KRT82: variants seen among roughly 807,000 people sequenced by gnomAD.
The protein encoded by KRT82 is keratin 82.
A neutral mutation model predicts 48.0 loss-of-function variants in KRT82; 44 were observed. The observed-to-expected ratio is 0.92, with a 90% confidence interval of 0.72 to 1.18. The LOEUF (loss-of-function observed/expected upper bound fraction) is 1.18, where lower values mean the gene tolerates loss of function less well. KRT82 is among the 50% of genes most tolerant of loss of function. The pLI is 0.00. For synonymous variants in KRT82, 297 were observed against 278.3 expected, an observed-to-expected ratio of 1.07 and a Z score of -0.67; for missense variants, 701 against 671.4, an observed-to-expected ratio of 1.04 and a Z score of -0.49.
rs929291228 is a variant in KRT82 at position 52,405,923 on chromosome 12, C to A, written c.355G>T (p.Asp119Tyr). The A allele has an allele frequency of 1.3e-5, 21 of 1,613,820 alleles. No homozygotes were observed. Among genetic ancestry groups the A allele is most frequent in the South Asian group, 5.5e-5 (5 of 90,968 alleles). ...IDPTVQRVKR[D>Y]EKEQIKCLNN... ...AGGCACTTGATCTGCTCCTTCTCAT[C>A]CCTCTTTACCCTCTGCACAGTCGGG... Residue 119 changes from aspartate to tyrosine, a missense_variant, in exon 1 of 9, where the codon GAT becomes TAT. Transcript: ENST00000257974.
intron 3 of KRT82, among the ~76,000 whole-genome samples, chr12:52,400,827 G>A (rs1939779934): frequency 6.6e-6 from 1 of 152,188 alleles, no homozygotes; most frequent in Non-Finnish European, 1.5e-5. Flanking sequence ...GATCTGAAGG[G>A]GGTGGGGCTT....
intron 4 of KRT82, 98 bp from the exon 5 acceptor site, chr12:52,400,247 T>C: frequency 2.5e-6 from 3 of 1,205,764 alleles, no homozygotes; most frequent in Admixed American, 2.2e-5. Flanking sequence ...GCAGAGTGCA[T>C]AGAACTCTGC....
At position 52,403,949 on chromosome 12, in the gene KRT82, C is replaced by CT. The variant is rs146662217; in HGVS notation, c.412-41dup. On this transcript the variant is annotated intron_variant, in intron 1 of 8. Coordinates refer to ENST00000257974, the MANE Select transcript of KRT82 (RefSeq NM_033033.4). ...GGAATATCACCAGGCAGCAGAGATC[C>CT]TGGGGACCATGACTTAGAGAGGGCA... The CT allele has an allele frequency of 1.3e-5, 21 of 1,588,048 alleles. No homozygotes were observed. The African/African-American group carries it at 2.8e-4, about 21-fold the overall frequency.
intron 2 of KRT82, among the ~76,000 whole-genome samples, chr12:52,402,615 CTCTTTCCCTTTCTTGGGATTCCTCTCCCT>C (rs1939804015): frequency 6.6e-6 from 1 of 152,246 alleles, no homozygotes; most frequent in South Asian, 2.1e-4. Context: ...TGGACTCCCG[CTCTTTCCCTTTCTTGGGATTCCTCTCCCT>C]TCTTCTCTGT....
At chr12:52,405,711 T>C (rs993506241) in intron 1 of KRT82, among the ~76,000 whole-genome samples, 156 bp downstream of exon 1, 10 of 152,222 alleles carry the variant, frequency 6.6e-5, no homozygotes, top group African/African-American at 2.4e-4. Flanking sequence ...TCTAACTGGC[T>C]TTCAAAGGCT....
At chr12:52,396,381 G>C in intron 6 of KRT82, 149 bp from the exon 7 acceptor site, 1 of 718,306 alleles carries the variant, frequency 1.4e-6, no homozygotes, top group East Asian at 2.7e-5. Context: ...TTCCTCCAGG[G>C]AACTGGGATG....
At chr12:52,401,846 T>A (rs575791920) in intron 2 of KRT82, 2 of 153,642 alleles carry the variant, frequency 1.3e-5, no homozygotes, top group African/African-American at 4.8e-5. Context: ...GCCAGGCTAT[T>A]TCCTCAGGCT....
In KRT82 at chr12:52,406,004, T is replaced by C. The variant is rs61730591; in HGVS notation, c.274A>G (p.Ile92Val). ...CTCTCATTGATGGTGACAGGGGTGATGCAGGCAGAAGGCCCACAGGTGGCT... is the reference window on the plus strand; with the variant it reads ...CTCTCATTGATGGTGACAGGGGTGACGCAGGCAGAAGGCCCACAGGTGGCT... ...LGATCGPSAC[I>V]TPVTINESLL... Residue 92 changes from isoleucine (I) to valine (V), a missense_variant, in exon 1 of 9, where the codon ATC becomes GTC. Ile to Val is a conservative substitution (Grantham distance 29, BLOSUM62 3). Transcript: ENST00000257974. 4,046 of 1,614,178 alleles carry C rather than the reference T, an allele frequency of 2.5e-3. 3 individuals are homozygous for C. The highest frequency in any genetic ancestry group is 3.3e-3 in the Non-Finnish European group (3,852 of 1,180,026).
At position 52,395,662 on chromosome 12, in the gene KRT82, G is replaced by A. The variant is rs77470963; in HGVS notation, c.1321+97C>T. 658 of 839,084 alleles carry A rather than the reference G, an allele frequency of 7.8e-4. No homozygotes were observed. The African/African-American group carries it at 0.01, about 13-fold the overall frequency. 52.0% of individuals were successfully genotyped at this position (839,084 alleles called of 1,614,324 possible). Reference sequence around the variant, plus strand: ...GAGCTCTTCCTTTGGGGTAGGGGAGGCATCAGAGGTCTAGGAAGGGGTGGT... The same window carrying A: ...GAGCTCTTCCTTTGGGGTAGGGGAGACATCAGAGGTCTAGGAAGGGGTGGT... On this transcript the variant is annotated intron_variant, in intron 8 of 8. Transcript: ENST00000257974.
chr12:52,396,023 A>C lies in KRT82; in HGVS notation c.1278T>G (p.Gly426=), dbSNP rs745784738. Residue 426 remains glycine, a synonymous_variant, in exon 7 of 9, where the codon GGT becomes GGG. Coordinates refer to ENST00000257974, the MANE Select transcript of KRT82 (RefSeq NM_033033.4). ...EIATYRRLLE[G]EEHRLCEGIG... ...CTGGAGGAGCTCACCTGTGCTCTTC[A>C]CCCTCCAGCAGGCGCCTGTAGGTGG... is the stretch of plus-strand genomic sequence containing the variant. 6.2e-7 allele frequency: 1 copy of C among 1,613,700 alleles called. No individual in the cohort carries two copies.
chr12:52,405,313 C>T (rs1373516876), intron 1 of KRT82, among the ~76,000 whole-genome samples: 1 of 152,186 alleles, frequency 6.6e-6, no homozygotes, highest in Non-Finnish European at 1.5e-5. Flanking sequence ...GCATGCCTTC[C>T]TAGCAGCCTT....
intron 1 of KRT82, among the ~76,000 whole-genome samples, chr12:52,405,136 C>T (rs1409350223): frequency 6.6e-6 from 1 of 152,210 alleles, no homozygotes. Context: ...TCTTTTCCTG[C>T]AGTGGGTGCT....
At position 52,395,994 on chromosome 12, in the gene KRT82, C is replaced by A; in HGVS notation, c.1289+18G>T. The stretch of plus-strand genomic sequence containing the variant: ...ATACCTGGTAGCCCATCTTTGACCC[C>A]CTCCTGGAGGAGCTCACCTGTGCTC... On this transcript the variant is annotated intron_variant, in intron 7 of 8. Coordinates refer to ENST00000257974, the MANE Select transcript of KRT82 (RefSeq NM_033033.4). 1 of 1,613,680 alleles carries A rather than the reference C, an allele frequency of 6.2e-7. No homozygotes were observed. The highest frequency in any genetic ancestry group is 8.5e-7 in the Non-Finnish European group (1 of 1,179,958).
chr12:52,395,768 C>G lies in KRT82; in HGVS notation c.1312G>C (p.Val438Leu), dbSNP rs144651614. The G allele has an allele frequency of 2.8e-5, 43 of 1,553,820 alleles. No individual in the cohort carries two copies. The highest frequency in any genetic ancestry group is 3.6e-5 in the Non-Finnish European group (41 of 1,154,680). The change falls in exon 8 of 9, where the codon GTG becomes CTG. Residue 438 changes from valine (V) to leucine (L), a missense_variant. Physicochemically the swap from Val to Leu is conservative, Grantham distance 32. Transcript: ENST00000257974. ...TGGCTCATCTACTTACAGATATTCA[C>G]GGGCCCGATGCCTTCGCACAGCCTG... ...EHRLCEGIGP[V>L]NISVSSSKGA...
chr12:52,401,341 T>A lies in KRT82; in HGVS notation c.629A>T (p.Glu210Val). 6.2e-7 allele frequency: 1 copy of A among 1,614,092 alleles called. No individual in the cohort carries two copies. Among genetic ancestry groups the A allele is most frequent in the Non-Finnish European group, 8.5e-7 (1 of 1,179,970 alleles). The change falls in exon 3 of 9, where the codon GAG becomes GTG. Residue 210 changes from glutamate (E) to valine (V), a missense_variant. Physicochemically the swap from Glu to Val is moderately radical, Grantham distance 121. Coordinates refer to ENST00000257974, the MANE Select transcript of KRT82 (RefSeq NM_033033.4). Reference protein sequence around the residue: ...ALEGYKKKYEEELSLRPCVEN... With the variant: ...ALEGYKKKYEVELSLRPCVEN... Reference sequence around the variant, plus strand: ...AACACAGGGACGCAGGGAGAGCTCCTCTTCGTATCTGATGGAAAAGGCAGG... The same window carrying A: ...AACACAGGGACGCAGGGAGAGCTCCACTTCGTATCTGATGGAAAAGGCAGG...
intron 8 of KRT82, 100 bp from the exon 9 acceptor site, chr12:52,395,295 A>G (rs1393951189): frequency 4.3e-6 from 4 of 926,896 alleles, no homozygotes; most frequent in South Asian, 3.2e-5. Flanking sequence ...ACCTCCTGCC[A>G]CTCACCTCTA....
chr12:52,403,843 A>C lies in KRT82; in HGVS notation c.478T>G (p.Cys160Gly). 1 of 1,613,888 alleles carries C rather than the reference A, an allele frequency of 6.2e-7. No homozygotes were observed. The highest frequency in any genetic ancestry group is 2.2e-5 in the East Asian group (1 of 44,878). Residue 160 changes from cysteine (C) to glycine (G), a missense_variant, in exon 2 of 9, where the codon TGC (cysteine) becomes GGC (glycine). Physicochemically the swap from Cys to Gly is radical, Grantham distance 159 (BLOSUM62 -3). Coordinates refer to ENST00000257974, the MANE Select transcript of KRT82 (RefSeq NM_033033.4). The part of the protein sequence containing the change: ...TKWNFMQQQR[C>G]CQTNIEPIFE... ...ATGGGCTCGATGTTGGTCTGGCAGC[A>C]CCTCTGCTGCTGCATGAAGTTCCAC...
chr12:52,395,774 C>T lies in KRT82; in HGVS notation c.1306G>A (p.Gly436Arg), dbSNP rs138552431. The change falls in exon 8 of 9, where the codon GGG becomes AGG. Residue 436 changes from glycine to arginine, a missense_variant. Transcript: ENST00000257974. Reference protein sequence around the residue: ...GEEHRLCEGIGPVNISVSSSK... With the variant: ...GEEHRLCEGIRPVNISVSSSK... The stretch of plus-strand genomic sequence containing the variant: ...ATCTACTTACAGATATTCACGGGCC[C>T]GATGCCTTCGCACAGCCTGGGGATG... 7.0e-5 allele frequency: 109 copies of T among 1,553,662 alleles called. No individual in the cohort carries two copies. The highest frequency in any genetic ancestry group is 6.8e-4 in the East Asian group (30 of 44,428).
chr12:52,395,878 G>A, intron 7 of KRT82, 88 bp from the exon 8 acceptor site: 1 of 1,474,970 alleles, frequency 6.8e-7, no homozygotes, highest in African/African-American at 1.4e-5. Flanking sequence ...CCTCATTGTG[G>A]ACCATGTGCT....
Sources: gnomAD v4.1 joint callset for allele counts (sites outside exome capture counted in the v4.1 genomes callset) on GRCh38, gnomAD v4.1.1 for gene constraint, MANE v1.5 for transcripts, NCBI Gene and HGNC (gene_info 2026-07-23, HGNC 2026-07-21) for gene names.